The following SCFD1 variants were observed in gnomAD, a reference collection of about 807,000 sequenced individuals.
The protein encoded by SCFD1 is sec1 family domain-containing protein 1.
SCFD1 carries 37 observed loss-of-function variants against 103.2 expected under a neutral mutation model. That is an observed-to-expected ratio of 0.36 (90% CI 0.28 to 0.47). The LOEUF is 0.47. Ranked by LOEUF, SCFD1 falls within the 20% of genes least tolerant of loss-of-function variation. SCFD1 has a pLI of 1.00. For missense variants in SCFD1, 639 were observed against 761.2 expected, an observed-to-expected ratio of 0.84 and a Z score of 1.89; for synonymous variants, 264 against 245.0, an observed-to-expected ratio of 1.08 and a Z score of -0.73.
chr14:30,679,770 A>G (rs1889328224), intron 14 of SCFD1, among the ~76,000 whole-genome samples: 2 of 152,084 alleles, frequency 1.3e-5, no homozygotes, highest in Non-Finnish European at 2.9e-5. Flanking sequence ...CTGAACTAGA[A>G]GTCAGAACAT....
At chr14:30,674,184 T>C (rs528244718) in intron 13 of SCFD1, among the ~76,000 whole-genome samples, 187 bp downstream of exon 13, 13 of 152,298 alleles carry the variant, frequency 8.5e-5, no homozygotes, top group Admixed American at 7.8e-4. Flanking sequence ...CTCTTAGATA[T>C]AGGAGATTAT....
At chr14:30,710,220 A>G (rs973127811) in intron 19 of SCFD1, among the ~76,000 whole-genome samples, 9 of 151,890 alleles carry the variant, frequency 5.9e-5, no homozygotes, top group Non-Finnish European at 1.0e-4. Context: ...TATTGCAAAT[A>G]ACATACCACT....
intron 18 of SCFD1, 63 bp from the exon 19 acceptor site, chr14:30,707,927 T>A: frequency 9.3e-7 from 1 of 1,075,396 alleles, no homozygotes; most frequent in Non-Finnish European, 1.5e-6. Context: ...AAATATTTTA[T>A]CGATAACAGA....
chr14:30,711,287 TATG>T (rs1248151183), intron 19 of SCFD1, among the ~76,000 whole-genome samples: 3 of 152,202 alleles, frequency 2.0e-5, no homozygotes, highest in African/African-American at 4.8e-5. Flanking sequence ...CCCTTAAGAT[TATG>T]ATATGAACAA....
chr14:30,628,800 C>T (rs929906039), intron 2 of SCFD1, among the ~76,000 whole-genome samples: 1 of 152,172 alleles, frequency 6.6e-6, no homozygotes. Flanking sequence ...AAACTTCATG[C>T]AGACTCTCTT....
chr14:30,629,249 A>T (rs1482955613), intron 2 of SCFD1, among the ~76,000 whole-genome samples: 3 of 152,194 alleles, frequency 2.0e-5, no homozygotes, highest in Non-Finnish European at 2.9e-5. Flanking sequence ...TTTTTGAAAG[A>T]TGCAACGTGA....
At chr14:30,688,987 G>T (rs1890054869) in intron 14 of SCFD1, among the ~76,000 whole-genome samples, 1 of 35,176 alleles carries the variant, frequency 2.8e-5, no homozygotes, top group Non-Finnish European at 4.1e-5. Context: ...CTTCCTTCAG[G>T]AGCTCTTTTA....
intron 12 of SCFD1, 28 bp from the exon 13 acceptor site, chr14:30,673,896 A>G: frequency 6.6e-7 from 1 of 1,518,300 alleles, no homozygotes; most frequent in Non-Finnish European, 9.1e-7. Context: ...ATTTTTGAGT[A>G]GCTATTGAGA....
intron 4 of SCFD1, among the ~76,000 whole-genome samples, chr14:30,636,303 C>T (rs179342): frequency 1.7e-4 from 26 of 150,982 alleles, no homozygotes; most frequent in Non-Finnish European, 2.7e-4. Context: ...CTTTTGGTGT[C>T]ATATTTAGGA....
intron 12 of SCFD1, 83 bp downstream of exon 12, chr14:30,673,430 T>C (rs564473227): frequency 1.5e-6 from 1 of 675,356 alleles, no homozygotes; most frequent in East Asian, 2.9e-5. Flanking sequence ...TTTTTCCTTA[T>C]AAAAATTGAA....
chr14:30,674,953 T>C (rs775131749), intron 13 of SCFD1, 31 bp from the exon 14 acceptor site: 12 of 1,337,186 alleles, frequency 9.0e-6, no homozygotes, highest in Non-Finnish European at 1.2e-5. Context: ...GAAAATTTAT[T>C]GGTTAATATT....
chr14:30,655,546 G>A (rs896881397), intron 10 of SCFD1, among the ~76,000 whole-genome samples: 1 of 152,138 alleles, frequency 6.6e-6, no homozygotes. Context: ...TGGACTCCTT[G>A]GGGGCACAGG....
At chr14:30,634,745 C>T (rs1452782157) in intron 4 of SCFD1, 12 of 451,252 alleles carry the variant, frequency 2.7e-5, no homozygotes, top group South Asian at 7.9e-5. Flanking sequence ...GCTGATCATT[C>T]GTCTTTAGTT....
Position 30,722,481 on chromosome 14 carries a change from G to A in SCFD1, c.1771-13G>A, listed in dbSNP as rs375300715. On this transcript the variant is annotated splice_polypyrimidine_tract_variant and intron_variant, in intron 22 of 24. Coordinates refer to ENST00000458591, the MANE Select transcript of SCFD1 (RefSeq NM_016106.4). ...AACTGTGTTTTTTTTTTTTTAATCT[G>A]TTTGCATTTTAGGCCATTGTTTTTG... 95 of 1,528,216 alleles carry A rather than the reference G, an allele frequency of 6.2e-5. No homozygotes were observed. The highest frequency in any genetic ancestry group is 8.3e-5 in the Non-Finnish European group (94 of 1,131,154). The allele number at this position is 1,528,216 out of a possible 1,614,324, so 94.7% of individuals were successfully genotyped here. A position where few individuals can be genotyped will look rare whatever the true frequency, so the allele number is the denominator to read the frequency against.
At chr14:30,666,380 C>A (rs986409959) in intron 10 of SCFD1, among the ~76,000 whole-genome samples, 2 of 152,218 alleles carry the variant, frequency 1.3e-5, no homozygotes, top group Non-Finnish European at 2.9e-5. Context: ...ATACCAGAAT[C>A]TCTGGGACAC....
At chr14:30,714,038 T>G (rs1194544224) in intron 19 of SCFD1, among the ~76,000 whole-genome samples, 1 of 152,080 alleles carries the variant, frequency 6.6e-6, no homozygotes, top group Admixed American at 6.5e-5. Context: ...CAATTTTATT[T>G]GAAACAAAAC....
At chr14:30,633,806 A>G in intron 3 of SCFD1, 141 bp from the exon 4 acceptor site, 1 of 472,296 alleles carries the variant, frequency 2.1e-6, no homozygotes, top group South Asian at 4.0e-5. Flanking sequence ...TGGGAGAAAG[A>G]TAGGTTAACT....
chr14:30,622,789 A>G (rs920568236), intron 1 of SCFD1, among the ~76,000 whole-genome samples: 4 of 152,024 alleles, frequency 2.6e-5, no homozygotes, highest in Non-Finnish European at 4.4e-5. Context: ...ATTTTCTGAC[A>G]CTCAGAGAAT....
At chr14:30,710,833 A>C (rs980556431) in intron 19 of SCFD1, among the ~76,000 whole-genome samples, 1 of 152,076 alleles carries the variant, frequency 6.6e-6, no homozygotes, top group Non-Finnish European at 1.5e-5. Context: ...GTTCTGTTTC[A>C]CTCTTGGAAT....
Sources: allele counts gnomAD v4.1 joint callset (sites outside exome capture counted in the v4.1 genomes callset), GRCh38; gene constraint gnomAD v4.1.1; transcripts MANE v1.5; gene names NCBI Gene and HGNC (gene_info 2026-07-23, HGNC 2026-07-21).